Variants in CATSPERE observed in about 807,000 individuals in gnomAD.
CATSPERE encodes catsper channel auxiliary subunit epsilon.
Under a neutral mutation model 114.1 loss-of-function variants are expected in CATSPERE, and 93 were observed. That is an observed-to-expected ratio of 0.81 (90% confidence interval 0.69 to 0.97). The LOEUF (loss-of-function observed/expected upper bound fraction) is 0.97. CATSPERE is among the 50% of genes least tolerant of loss of function. The probability of loss-of-function intolerance (pLI) is 0.00; values close to 1 mark genes in which losing one functional copy is unlikely to be tolerated. For synonymous variants in CATSPERE, 341 were observed against 384.1 expected (o/e 0.89, Z 1.31); for missense variants, 1,058 against 1,131.6 (o/e 0.93, Z 0.93).
intron 21 of CATSPERE, among the ~76,000 whole-genome samples, chr1:244,638,541 G>A (rs6429497): frequency 0.66 from 99,638 of 151,920 alleles, 33,435 homozygotes; most frequent in Middle Eastern, 0.78. Flanking sequence ...TATACACATG[G>A]CTCCCAAATA....
At chr1:244,535,922 T>A (rs2148437426) in intron 8 of CATSPERE, among the ~76,000 whole-genome samples, 1 of 152,042 alleles carries the variant, frequency 6.6e-6, no homozygotes, top group East Asian at 2.0e-4. Context: ...TCCAATGCCA[T>A]GGTGTGTACT....
chr1:244,594,441 CTTA>C (rs1370361382), intron 17 of CATSPERE, among the ~76,000 whole-genome samples: 20 of 152,008 alleles, frequency 1.3e-4, no homozygotes, highest in Admixed American at 1.3e-3. Flanking sequence ...TTATTCTTGG[CTTA>C]TTATTATAAA....
chr1:244,529,749 G>A (rs1223908614), intron 8 of CATSPERE, among the ~76,000 whole-genome samples: 1 of 151,610 alleles, frequency 6.6e-6, no homozygotes. Flanking sequence ...TTTTTGCTTT[G>A]GTTGCCTGTG....
At chr1:244,601,421 T>C (rs1669200617) in intron 17 of CATSPERE, among the ~76,000 whole-genome samples, 1 of 152,070 alleles carries the variant, frequency 6.6e-6, no homozygotes, top group Non-Finnish European at 1.5e-5. Flanking sequence ...AGTCAGAAGG[T>C]TGAGGATTGG....
At chr1:244,508,688 CTAGG>C (rs1302737679) in intron 7 of CATSPERE, among the ~76,000 whole-genome samples, 1 of 151,234 alleles carries the variant, frequency 6.6e-6, no homozygotes, top group Non-Finnish European at 1.5e-5. Context: ...TTGGTGGAAT[CTAGG>C]TTTTTCTATA....
chr1:244,621,214 T>TATATATTTATATAAATATATTTATATAG (rs1672256600), intron 20 of CATSPERE, among the ~76,000 whole-genome samples: 1 of 20,990 alleles, frequency 4.8e-5, no homozygotes, highest in African/African-American at 2.0e-4. Flanking sequence ...TATATTTATA[T>TATATATTTATATAAATATATTTATATAG]ATATATTTAT....
chr1:244,593,232 C>T (rs1255975957), intron 15 of CATSPERE, among the ~76,000 whole-genome samples, 163 bp from the exon 16 acceptor site: 4 of 152,240 alleles, frequency 2.6e-5, no homozygotes, highest in East Asian at 1.9e-4. Flanking sequence ...GTTGTAAGAA[C>T]GTGTTAATAT....
intron 17 of CATSPERE, among the ~76,000 whole-genome samples, chr1:244,602,074 G>C (rs746235151): frequency 6.6e-6 from 1 of 152,122 alleles, no homozygotes; most frequent in African/African-American, 2.4e-5. Context: ...GAGGACAAGT[G>C]GGGGATGGGA....
intron 20 of CATSPERE, among the ~76,000 whole-genome samples, chr1:244,626,443 C>T (rs891836586): frequency 2.1e-5 from 3 of 140,200 alleles, no homozygotes; most frequent in Non-Finnish European, 4.5e-5. Context: ...CAAGATCACA[C>T]CATTGCACTC....
chr1:244,617,777 G>T, intron 20 of CATSPERE, 91 bp downstream of exon 20: 1 of 1,064,778 alleles, frequency 9.4e-7, no homozygotes, highest in South Asian at 1.9e-5. Context: ...TTCAATCATT[G>T]TTATTCTTGT....
At chr1:244,523,462 A>G (rs892856589) in intron 8 of CATSPERE, among the ~76,000 whole-genome samples, 1 of 137,456 alleles carries the variant, frequency 7.3e-6, no homozygotes, top group African/African-American at 3.1e-5. Context: ...CTCCTATTCA[A>G]CATAGTGTTG....
chr1:244,560,236 C>T (rs974427114), intron 9 of CATSPERE, among the ~76,000 whole-genome samples: 2 of 152,166 alleles, frequency 1.3e-5, no homozygotes, highest in East Asian at 1.9e-4. Context: ...AGTGATTCTC[C>T]TGCCTCAGCC....
chr1:244,635,978 G>A (rs982659250), intron 21 of CATSPERE, among the ~76,000 whole-genome samples: 4 of 152,098 alleles, frequency 2.6e-5, no homozygotes, highest in Admixed American at 6.6e-5. Context: ...GTCCCCTTTC[G>A]TGCCATCCCA....
chr1:244,472,159 C>T (rs976791856), intron 2 of CATSPERE, among the ~76,000 whole-genome samples: 4 of 152,124 alleles, frequency 2.6e-5, no homozygotes, highest in African/African-American at 9.7e-5. Flanking sequence ...CAAGGTCTTA[C>T]TATGTTGCCC....
At chr1:244,617,407 G>A in intron 19 of CATSPERE, 122 bp from the exon 20 acceptor site, 1 of 711,690 alleles carries the variant, frequency 1.4e-6, no homozygotes, top group Non-Finnish European at 2.2e-6. Context: ...GCACTGCAGG[G>A]GTAAAATAGA....
intron 20 of CATSPERE, among the ~76,000 whole-genome samples, chr1:244,624,280 TTAAAA>T (rs1342781336): frequency 1.3e-5 from 2 of 151,440 alleles, no homozygotes; most frequent in Non-Finnish European, 3.0e-5. Context: ...CGGCAGTTTC[TTAAAA>T]TAAGACAACA....
At chr1:244,470,104 A>T (rs565720017) in intron 2 of CATSPERE, among the ~76,000 whole-genome samples, 1 of 152,292 alleles carries the variant, frequency 6.6e-6, no homozygotes, top group South Asian at 2.1e-4. Context: ...ATAGAAGAAA[A>T]CATAAGGGAA....
At chr1:244,564,366 A>G (rs2148544962) in intron 10 of CATSPERE, among the ~76,000 whole-genome samples, 1 of 152,250 alleles carries the variant, frequency 6.6e-6, no homozygotes, top group East Asian at 1.9e-4. Flanking sequence ...CACAATACTG[A>G]TTCTTCCTAT....
chr1:244,572,272 C>T (rs769321049), intron 10 of CATSPERE, 58 bp from the exon 11 acceptor site: 609 of 860,760 alleles, frequency 7.1e-4, no homozygotes, highest in Non-Finnish European at 8.7e-4. Flanking sequence ...GTACACTTAA[C>T]TAAAACAGCA....
Sources: gnomAD v4.1 joint callset for allele counts (sites outside exome capture counted in the v4.1 genomes callset) on GRCh38, gnomAD v4.1.1 for gene constraint, MANE v1.5 for transcripts, NCBI Gene and HGNC (gene_info 2026-07-23, HGNC 2026-07-21) for gene names.